Variants in MACF1 observed in about 807,000 individuals in gnomAD.
MACF1 encodes microtubule actin crosslinking factor 1, also known as microtubule-actin cross-linking factor 1.
MACF1 carries 193 observed loss-of-function variants against 854.8 expected under a neutral mutation model. That is an observed-to-expected ratio of 0.23 (90% confidence interval 0.20 to 0.25). The LOEUF is 0.25. Ranked by LOEUF, MACF1 falls within the 10% of genes least tolerant of loss-of-function variation. MACF1 has a pLI of 1.00. For synonymous variants in MACF1, 3,185 were observed against 3,226.7 expected, an observed-to-expected ratio of 0.99 and a Z score of 0.44; for missense variants, 7,722 against 8,929.1, an observed-to-expected ratio of 0.86 and a Z score of 5.45.
intron 2 of MACF1, among the ~76,000 whole-genome samples, chr1:39,111,758 C>G (rs1642412521): frequency 6.6e-6 from 1 of 152,192 alleles, no homozygotes; most frequent in Non-Finnish European, 1.5e-5. Context: ...AAGCCATCCT[C>G]TTGCCCTGGC....
chr1:39,453,780 C>T lies in MACF1; in HGVS notation c.20816C>T (p.Ala6939Val). The T allele has an allele frequency of 6.2e-7, 1 of 1,614,170 alleles. No homozygotes were observed. Among genetic ancestry groups the T allele is most frequent in the Non-Finnish European group, 8.5e-7 (1 of 1,180,004 alleles). Reference sequence around the variant, plus strand: ...GTAGCCATGGGAGAAGTCATCCTGGCTGTCTGCCACCCCGATTGCATCACA... The same window carrying T: ...GTAGCCATGGGAGAAGTCATCCTGGTTGTCTGCCACCCCGATTGCATCACA... The part of the protein sequence containing the change: ...SAVAMGEVIL[A>V]VCHPDCITTI... Residue 6939 changes from alanine (A) to valine (V), a missense_variant, in exon 88 of 101, where the codon GCT becomes GTT. Transcript: ENST00000564288.
chr1:39,250,446 G>A (rs558498943), intron 3 of MACF1, among the ~76,000 whole-genome samples: 1 of 152,086 alleles, frequency 6.6e-6, no homozygotes, highest in Middle Eastern at 3.4e-3. Context: ...TGAATTAGGT[G>A]TATTTTTCTT....
chr1:39,422,661 AAG>A, intron 59 of MACF1, 67 bp from the exon 60 acceptor site: 3 of 1,552,176 alleles, frequency 1.9e-6, no homozygotes, highest in East Asian at 2.3e-5. Context: ...TAATTACTAA[AAG>A]AGGTCAGTAG....
intron 80 of MACF1, among the ~76,000 whole-genome samples, chr1:39,446,608 T>A (rs1000727907): frequency 2.0e-5 from 3 of 152,244 alleles, no homozygotes; most frequent in Admixed American, 2.0e-4. Context: ...TTGGTGTACA[T>A]CTTGGAGTTT....
chr1:39,271,587 T>A (rs1645323005), intron 6 of MACF1, among the ~76,000 whole-genome samples: 1 of 152,124 alleles, frequency 6.6e-6, no homozygotes, highest in Non-Finnish European at 1.5e-5. Context: ...AAAAAGAATG[T>A]CAAAGTCAAC....
chr1:39,410,621 G>A (rs886934593), intron 58 of MACF1: 10 of 1,613,982 alleles, frequency 6.2e-6, no homozygotes, highest in Non-Finnish European at 8.5e-6. Flanking sequence ...CCCAGAAGGC[G>A]GCCAAATGCA....
intron 2 of MACF1, among the ~76,000 whole-genome samples, chr1:39,123,562 A>C (rs961453431): frequency 2.0e-5 from 3 of 150,888 alleles, no homozygotes; most frequent in African/African-American, 7.3e-5. Context: ...TTCTTGAGGC[A>C]GAGTCTTACT....
rs535624913 is a variant in MACF1 at position 39,224,299 on chromosome 1, C to G, written c.110-6883C>G. ...TTGGGTCCTTGGACATCTGAAGAAGCTATAATACAGAATGAAAAGAAAAGA... is the reference window on the plus strand; with the variant it reads ...TTGGGTCCTTGGACATCTGAAGAAGGTATAATACAGAATGAAAAGAAAAGA... On this transcript the variant is annotated intron_variant, in intron 1 of 100. Transcript: ENST00000564288. Among the ~76,000 whole-genome samples, 5 of 151,614 alleles carry G rather than the reference C, an allele frequency of 3.3e-5. 1 individual carries two copies. In the South Asian group the frequency reaches 1.0e-3, roughly 32 times the overall value.
intron 17 of MACF1, 97 bp downstream of exon 17, chr1:39,292,940 G>T: frequency 1.9e-6 from 2 of 1,027,292 alleles, no homozygotes; most frequent in Non-Finnish European, 2.8e-6. Flanking sequence ...GTTTGGCCCT[G>T]TTTTGGTTTT....
intron 91 of MACF1, among the ~76,000 whole-genome samples, chr1:39,459,624 G>A (rs1347376832): frequency 6.6e-6 from 1 of 152,166 alleles, no homozygotes; most frequent in Non-Finnish European, 1.5e-5. Context: ...AGCCTTTCAT[G>A]TAAAAACAGA....
chr1:39,244,598 A>G (rs1195894975), intron 2 of MACF1, among the ~76,000 whole-genome samples: 2 of 145,224 alleles, frequency 1.4e-5, no homozygotes, highest in African/African-American at 5.1e-5. Context: ...TTTTTTTTGA[A>G]ATGGAGTCTC....
At chr1:39,242,502 C>A (rs1571214255) in intron 2 of MACF1, among the ~76,000 whole-genome samples, 2 of 152,140 alleles carry the variant, frequency 1.3e-5, no homozygotes, top group East Asian at 3.9e-4. Context: ...CCTGTAATCC[C>A]AGCACTTCAG....
chr1:39,166,109 C>T (rs955653655), intron 2 of MACF1, among the ~76,000 whole-genome samples: 2 of 149,632 alleles, frequency 1.3e-5, no homozygotes, highest in Non-Finnish European at 3.0e-5. Flanking sequence ...TGCTCTGTCA[C>T]CCAGGCTGGG....
Position 39,287,576 on chromosome 1 carries a change from C to T in MACF1, c.1785+14C>T. On this transcript the variant is annotated intron_variant, in intron 15 of 100. Coordinates refer to ENST00000564288, the MANE Select transcript of MACF1 (RefSeq NM_001394062.1). ...GAAGAGATGCAGGTGGGTGCATATC[C>T]AAAAGCTTATGCAGTACACTGATGT... The T allele has an allele frequency of 6.2e-7, 1 of 1,613,896 alleles. No individual in the cohort carries two copies. The highest frequency in any genetic ancestry group is 8.5e-7 in the Non-Finnish European group (1 of 1,179,858).
At chr1:39,214,765 T>C (rs562871860) in intron 1 of MACF1, among the ~76,000 whole-genome samples, 5 of 152,122 alleles carry the variant, frequency 3.3e-5, no homozygotes, top group African/African-American at 7.2e-5. Flanking sequence ...GGACGGTGAG[T>C]GTATGAGCTT....
intron 92 of MACF1, 35 bp from the exon 93 acceptor site, chr1:39,461,848 T>C (rs1320962597): frequency 1.6e-6 from 2 of 1,257,336 alleles, no homozygotes; most frequent in Non-Finnish European, 2.3e-6. Context: ...CAAGTACCCC[T>C]CTTAATGTTT....
At chr1:39,202,446 C>T (rs538786134), upstream of MACF1, among the ~76,000 whole-genome samples, 1 of 151,518 alleles carries the variant, frequency 6.6e-6, no homozygotes, top group South Asian at 2.1e-4. Context: ...ACCAGCCTGG[C>T]CAATGCGGTG....
At chr1:39,404,912 C>T (rs3768300) in intron 58 of MACF1, among the ~76,000 whole-genome samples, 10,266 of 152,236 alleles carry the variant, frequency 0.067, 903 homozygotes, top group African/African-American at 0.21. Context: ...CTGATACCTC[C>T]TGCCTTCCTT....
At chr1:39,354,636 C>T (rs1301352155) in intron 44 of MACF1, among the ~76,000 whole-genome samples, 3 of 152,110 alleles carry the variant, frequency 2.0e-5, no homozygotes, top group African/African-American at 7.2e-5. Flanking sequence ...AACTCCTGAC[C>T]TCGGGTGATT....
Sources: allele counts gnomAD v4.1 joint callset (sites outside exome capture counted in the v4.1 genomes callset), GRCh38; gene constraint gnomAD v4.1.1; transcripts MANE v1.5; gene names NCBI Gene and HGNC (gene_info 2026-07-23, HGNC 2026-07-21).